The following SYNE1 variants were observed in gnomAD, a reference collection of about 807,000 sequenced individuals.
SYNE1 encodes the protein spectrin repeat containing nuclear envelope protein 1.
SYNE1 carries 616 observed loss-of-function variants against 1,111.0 expected under a neutral mutation model. That is an observed-to-expected ratio of 0.55 (90% confidence interval 0.52 to 0.59). SYNE1 has a LOEUF of 0.59. Among genes scored for constraint, SYNE1 ranks in the 20% least tolerant of loss-of-function variants. The probability of loss-of-function intolerance (pLI) is 0.00; values close to 1 mark genes in which losing one functional copy is unlikely to be tolerated. For missense variants in SYNE1, 10,006 were observed against 10,417.0 expected (o/e 0.96, Z 1.72); for synonymous variants, 3,855 against 3,825.8 (o/e 1.01, Z -0.28).
intron 6 of SYNE1, among the ~76,000 whole-genome samples, chr6:152,516,897 T>G (rs1441888709): frequency 6.6e-6 from 1 of 152,176 alleles, no homozygotes; most frequent in Non-Finnish European, 1.5e-5. Flanking sequence ...TGAAAAACTC[T>G]AAATATCCTG....
In SYNE1 at chr6:152,463,429, A is replaced by T. The variant is rs1244842094; in HGVS notation, c.2021T>A (p.Met674Lys). ...GNFLIETCDE[M>K]VSRDLKQQLL... is the part of the protein sequence containing the mutation. The stretch of plus-strand genomic sequence containing the variant: ...TTGCTGCTTCAGGTCACGGGAAACC[A>T]TCTCATCACAGGTTTCAATTAGAAA... The change falls in exon 19 of 146, where the codon ATG becomes AAG. Residue 674 changes from methionine to lysine, a missense_variant. Physicochemically the swap from Met to Lys is moderately conservative, Grantham distance 95 (BLOSUM62 -1). Around this residue, in one of 7 missense-constraint regions of SYNE1, gnomAD observed 1,971 missense variants for 2,084.1 expected, o/e 0.95. Coordinates refer to ENST00000367255, the MANE Select transcript of SYNE1 (RefSeq NM_182961.4). The T allele has an allele frequency of 6.2e-7, 1 of 1,613,790 alleles. No individual in the cohort carries two copies. The highest frequency in any genetic ancestry group is 8.5e-7 in the Non-Finnish European group (1 of 1,179,786).
chr6:152,497,908 C>G (rs1325977787), intron 11 of SYNE1, among the ~76,000 whole-genome samples: 1 of 152,154 alleles, frequency 6.6e-6, no homozygotes, highest in Non-Finnish European at 1.5e-5. Flanking sequence ...ATTCTCTCTA[C>G]TTTTTCTTTC....
chr6:152,595,247 G>C (rs1246462991), intron 3 of SYNE1, among the ~76,000 whole-genome samples: 1 of 152,092 alleles, frequency 6.6e-6, no homozygotes, highest in African/African-American at 2.4e-5. Context: ...CCTCACCCTT[G>C]AACTCTCTTC....
chr6:152,276,172 T>A (rs2093616282), intron 98 of SYNE1, among the ~76,000 whole-genome samples: 2 of 151,382 alleles, frequency 1.3e-5, no homozygotes, highest in Admixed American at 1.3e-4. Context: ...GCAGCTGGGA[T>A]TACAGGCATG....
intron 17 of SYNE1, among the ~76,000 whole-genome samples, 157 bp from the exon 18 acceptor site, chr6:152,465,617 C>T (rs532513768): frequency 5.3e-5 from 8 of 152,076 alleles, no homozygotes; most frequent in Non-Finnish European, 7.4e-5. Context: ...AAATGGAAAA[C>T]AAATGTATTT....
Position 152,234,721 on chromosome 6 carries a change from C to A in SYNE1, c.20476G>T (p.Val6826Leu). Residue 6826 changes from valine to leucine, a missense_variant, in exon 111 of 146, where the codon GTG becomes TTG. By Grantham distance (32) the Val-to-Leu change is conservative. Around this residue, in one of 7 missense-constraint regions of SYNE1, gnomAD observed 2,182 missense variants for 2,287.8 expected, o/e 0.95. Coordinates refer to ENST00000367255, the MANE Select transcript of SYNE1 (RefSeq NM_182961.4). ...DRLEFWTQQS[V>L]TVPQELEMVR... ...ATTTCCAGCTCTTGTGGGACTGTCACAGATTGCTGAGTCCAAAATTCTAGC... is the reference window on the plus strand; with the variant it reads ...ATTTCCAGCTCTTGTGGGACTGTCAAAGATTGCTGAGTCCAAAATTCTAGC... 6.2e-7 allele frequency: 1 copy of A among 1,614,204 alleles called. No homozygotes were observed. Among genetic ancestry groups the A allele is most frequent in the Non-Finnish European group, 8.5e-7 (1 of 1,180,030 alleles).
chr6:152,228,581 A>G (rs935757177), intron 115 of SYNE1, among the ~76,000 whole-genome samples: 1 of 152,260 alleles, frequency 6.6e-6, no homozygotes, highest in Non-Finnish European at 1.5e-5. Flanking sequence ...TGGAAAAAAT[A>G]AAAGAAAATG....
rs539022789 is a variant in SYNE1, at chr6:152,404,138, G to C, written c.6825+75C>G. ...ATATACACACACACACACACACACA[G>C]AGACAGAGAAAGTCTAGTATATGGT... On this transcript the variant is annotated intron_variant, in intron 46 of 145. Transcript: ENST00000367255. 278 of 937,354 alleles carry C rather than the reference G, an allele frequency of 3.0e-4. No individual in the cohort carries two copies. In the East Asian group the frequency reaches 5.1e-3, roughly 17 times the overall value. The allele number at this position is 937,354 out of a possible 1,614,324, so 58.1% of individuals were successfully genotyped here.
At position 152,331,096 on chromosome 6, in the gene SYNE1, C is replaced by T; in HGVS notation, c.13589G>A (p.Ser4530Asn). The T allele has an allele frequency of 6.2e-6, 10 of 1,614,180 alleles. No individual in the cohort carries two copies. Among genetic ancestry groups the T allele is most frequent in the Non-Finnish European group, 7.6e-6 (9 of 1,180,038 alleles). ...TTCCTGAAGCTTCCCCAGCACTTCA[C>T]TCTTTTCCTGCTCTGTGACTTCCTT... is the stretch of plus-strand genomic sequence containing the variant. ...LMKEVTEQEK[S>N]EVLGKLQELQ... is the part of the protein sequence containing the mutation. The change falls in exon 78 of 146, where the codon AGT becomes AAT. Residue 4530 changes from serine (S) to asparagine (N), a missense_variant. Ser to Asn is a conservative substitution (Grantham distance 46, BLOSUM62 1). This residue lies in a region of SYNE1 where 4,955 missense variants were observed against 5,017.2 expected (regional missense o/e 0.99). Transcript: ENST00000367255.
intron 74 of SYNE1, among the ~76,000 whole-genome samples, chr6:152,343,782 G>T (rs1036132301): frequency 6.6e-6 from 1 of 151,902 alleles, no homozygotes; most frequent in African/African-American, 2.4e-5. Flanking sequence ...TGGCCAGGCT[G>T]GTCTCGAGCT....
In SYNE1 at chr6:152,329,910, T is replaced by A; in HGVS notation, c.14775A>T (p.Arg4925Ser). ...LNLQDIQEEI[R>S]KIQIHQEEVQ... Reference sequence around the variant, plus strand: ...CCTCTTCCTGATGAATTTGGATTTTTCTGATTTCCTCTTGGATGTCCTGCA... The same window carrying A: ...CCTCTTCCTGATGAATTTGGATTTTACTGATTTCCTCTTGGATGTCCTGCA... Residue 4925 changes from arginine (R) to serine (S), a missense_variant, in exon 78 of 146, where the codon AGA (arginine) becomes AGT (serine). Transcript: ENST00000367255. 1 of 1,614,218 alleles carries A rather than the reference T, an allele frequency of 6.2e-7. No individual in the cohort carries two copies. The highest frequency in any genetic ancestry group is 8.5e-7 in the Non-Finnish European group (1 of 1,180,036).
intron 4 of SYNE1, among the ~76,000 whole-genome samples, chr6:152,538,842 C>G (rs1162093917): frequency 6.6e-6 from 1 of 152,012 alleles, no homozygotes; most frequent in Non-Finnish European, 1.5e-5. Flanking sequence ...AAAGATGACC[C>G]TGGTTTATCC....
rs761860092 is a variant in SYNE1 at position 152,316,855 on chromosome 6, C to T, written c.16704G>A (p.Leu5568=). ...SASQLREQYI[L]HQTLLEESKE... ...TTATTTTTCCTAAGGTTACCTGATG[C>T]AAAATATATTGTTCCCGAAGCTGGC... Residue 5568 remains leucine, a synonymous_variant, in exon 87 of 146, where the codon TTG becomes TTA. Transcript: ENST00000367255. 1 of 1,613,948 alleles carries T rather than the reference C, an allele frequency of 6.2e-7. No individual in the cohort carries two copies. The highest frequency in any genetic ancestry group is 8.5e-7 in the Non-Finnish European group (1 of 1,180,016).
rs886044662 is a variant in SYNE1 at position 152,230,607 on chromosome 6, T to C, written c.21135A>G (p.Leu7045=). Residue 7045 remains leucine, a synonymous_variant, in exon 115 of 146, where the codon CTA becomes CTG. Transcript: ENST00000367255. ...GATCTCCAATTCGATGCTGTTGTTT[T>C]AGTCTCTTTTCCTGGGTTTCAAACC... ...KTWFETQEKR[L]KQQHRIGDQA... The C allele has an allele frequency of 1.2e-6, 2 of 1,614,036 alleles. No homozygotes were observed. The highest frequency in any genetic ancestry group is 1.7e-6 in the Non-Finnish European group (2 of 1,180,000).
At chr6:152,334,404 A>G in intron 76 of SYNE1, 131 bp from the exon 77 acceptor site, 1 of 1,026,966 alleles carries the variant, frequency 9.7e-7, no homozygotes. Flanking sequence ...AGAATGTATA[A>G]TAAGTTATGG....
chr6:152,277,974 G>A, intron 98 of SYNE1, 115 bp downstream of exon 98: 2 of 1,078,800 alleles, frequency 1.9e-6, no homozygotes, highest in Non-Finnish European at 2.8e-6. Flanking sequence ...CGTAAAGCAG[G>A]TACACACACA....
chr6:152,550,928 C>T (rs2099343792), intron 3 of SYNE1, among the ~76,000 whole-genome samples: 1 of 152,082 alleles, frequency 6.6e-6, no homozygotes, highest in African/African-American at 2.4e-5. Flanking sequence ...TGGAGATGTG[C>T]ACTCAGAGAG....
In SYNE1 at chr6:152,407,137, A is replaced by T; in HGVS notation, c.6600T>A (p.Asp2200Glu). 4 of 1,614,058 alleles carry T rather than the reference A, an allele frequency of 2.5e-6. No individual in the cohort carries two copies. Residue 2200 changes from aspartate to glutamate, a missense_variant, in exon 45 of 146, where the codon GAT (aspartate) becomes GAA (glutamate). By Grantham distance (45) the Asp-to-Glu change is conservative. Coordinates refer to ENST00000367255, the MANE Select transcript of SYNE1 (RefSeq NM_182961.4). ...DRLRVSLSIW[D>E]DVLSTRDEIE... Reference sequence around the variant, plus strand: ...TCTCATCTCTAGTTGACAGTACATCATCCCAAATGGACAGGCTTACTCTCA... The same window carrying T: ...TCTCATCTCTAGTTGACAGTACATCTTCCCAAATGGACAGGCTTACTCTCA...
At chr6:152,396,129 A>T (rs1402636677) in intron 50 of SYNE1, among the ~76,000 whole-genome samples, 1 of 152,238 alleles carries the variant, frequency 6.6e-6, no homozygotes, top group Non-Finnish European at 1.5e-5. Context: ...CCAGTGAATA[A>T]GTAGGGCAGT....
Sources: gnomAD v4.1 joint callset for allele counts (sites outside exome capture counted in the v4.1 genomes callset) on GRCh38, gnomAD v4.1.1 for gene constraint, gnomAD v4.1.1 regional missense constraint, MANE v1.5 for transcripts, NCBI Gene and HGNC (gene_info 2026-07-23, HGNC 2026-07-21) for gene names.